The following TMEM132D variants were observed in gnomAD, a reference collection of about 807,000 sequenced individuals.
TMEM132D encodes the protein mature OL transmembrane protein.
A neutral mutation model predicts 62.3 loss-of-function variants in TMEM132D; 21 were observed. That is an observed-to-expected ratio of 0.34 (90% CI 0.24 to 0.49). The LOEUF is 0.49. Among genes scored for constraint, TMEM132D ranks in the 20% least tolerant of loss-of-function variants. The probability of loss-of-function intolerance (pLI) is 0.99; values close to 1 mark genes in which losing one functional copy is unlikely to be tolerated. For missense variants in TMEM132D, 1,346 were observed against 1,402.8 expected (o/e 0.96, Z 0.65); for synonymous variants, 621 against 575.6 (o/e 1.08, Z -1.13).
chr12:129,173,385 T>C (rs1328632824), intron 5 of TMEM132D, among the ~76,000 whole-genome samples: 1 of 152,218 alleles, frequency 6.6e-6, no homozygotes, highest in Non-Finnish European at 1.5e-5. Context: ...ACCTTGTACC[T>C]AAAATTTATA....
At chr12:129,114,394 TTCCTTCCC>T (rs58911236) in intron 5 of TMEM132D, among the ~76,000 whole-genome samples, 3,191 of 146,368 alleles carry the variant, frequency 0.022, 40 homozygotes, top group African/African-American at 0.032. Context: ...AACTCCTTCC[TTCCTTCCC>T]TCCTTCCCTC....
rs907600411 is a variant in TMEM132D at position 129,076,938 on chromosome 12, T to C, written c.2115+1596A>G. ...CAGGTTATTTCTTCATTGCTATCTGTAACTTGCCTCTCGGCTGGCATCCTT... is the reference window on the plus strand; with the variant it reads ...CAGGTTATTTCTTCATTGCTATCTGCAACTTGCCTCTCGGCTGGCATCCTT... On this transcript the variant is annotated intron_variant, in intron 8 of 8. Transcript: ENST00000422113. Among the ~76,000 whole-genome samples, 8 of 152,234 alleles carry C rather than the reference T, an allele frequency of 5.3e-5. No individual in the cohort carries two copies. The East Asian group carries it at 1.3e-3, about 26-fold the overall frequency.
At chr12:129,313,336 A>T (rs889623405) in intron 4 of TMEM132D, among the ~76,000 whole-genome samples, 2 of 152,060 alleles carry the variant, frequency 1.3e-5, no homozygotes, top group African/African-American at 2.4e-5. Context: ...CTCTTCCCAT[A>T]ATCCTCAAAG....
At chr12:129,112,318 G>A (rs542295560) in intron 5 of TMEM132D, among the ~76,000 whole-genome samples, 1 of 152,322 alleles carries the variant, frequency 6.6e-6, no homozygotes, top group South Asian at 2.1e-4. Flanking sequence ...CACCCGTGCT[G>A]TCCAAGGTAG....
chr12:129,661,200 C>T (rs911262033), intron 2 of TMEM132D, among the ~76,000 whole-genome samples: 6 of 152,134 alleles, frequency 3.9e-5, no homozygotes, highest in African/African-American at 1.2e-4. Context: ...TGGCCATTTG[C>T]GTACAGTTTC....
At chr12:129,531,253 C>T (rs368483626) in intron 2 of TMEM132D, 48 bp from the exon 3 acceptor site, 133 of 1,546,622 alleles carry the variant, frequency 8.6e-5, no homozygotes, top group Middle Eastern at 2.4e-4. Context: ...GGGGAATCCC[C>T]GGGTCATGCT....
chr12:129,266,403 CCTCTT>C (rs758695423), intron 4 of TMEM132D, among the ~76,000 whole-genome samples: 2 of 151,090 alleles, frequency 1.3e-5, no homozygotes, highest in Admixed American at 6.6e-5. Context: ...TCTCTTCTCT[CCTCTT>C]CTCTTCTCCT....
At chr12:129,083,453 T>C (rs1874515882) in intron 6 of TMEM132D, among the ~76,000 whole-genome samples, 2 of 152,250 alleles carry the variant, frequency 1.3e-5, no homozygotes, top group East Asian at 1.9e-4. Flanking sequence ...TACAGTTTTT[T>C]CCCTCCGCAG....
Position 129,830,398 on chromosome 12 carries a change from T to C in TMEM132D, c.79+72863A>G, listed in dbSNP as rs551176243. 1.3e-3 allele frequency among the ~76,000 whole-genome samples: 203 copies of C among 152,220 alleles called. 1 individual carries two copies. The highest frequency in any genetic ancestry group is 2.4e-3 in the Non-Finnish European group (163 of 68,002). ...GAACTGCCCAGGACAAACCTGCCTCTCATTCTATTCAAAGTCATCCCTCTG... is the reference window on the plus strand; with the variant it reads ...GAACTGCCCAGGACAAACCTGCCTCCCATTCTATTCAAAGTCATCCCTCTG... On this transcript the variant is annotated intron_variant, in intron 1 of 8. Transcript: ENST00000422113.
intron 3 of TMEM132D, among the ~76,000 whole-genome samples, chr12:129,472,431 G>A (rs992011571): frequency 6.6e-6 from 1 of 152,124 alleles, no homozygotes; most frequent in African/African-American, 2.4e-5. Flanking sequence ...GGGGCCTGTC[G>A]TTGGGTTGGG....
intron 1 of TMEM132D, among the ~76,000 whole-genome samples, chr12:129,747,249 C>A (rs952933798): frequency 1.6e-4 from 5 of 31,046 alleles, no homozygotes; most frequent in African/African-American, 3.7e-4. Context: ...GTGACCCGGG[C>A]GGGGCAGCTG....
At chr12:129,702,548 GC>G (rs1881407665) in intron 1 of TMEM132D, among the ~76,000 whole-genome samples, 8 of 152,152 alleles carry the variant, frequency 5.3e-5, no homozygotes, top group Admixed American at 4.6e-4. Flanking sequence ...CTCTCTGGCT[GC>G]ATTATCAAAG....
chr12:129,082,032 C>A lies in TMEM132D; in HGVS notation c.1650G>T (p.Arg550Ser), dbSNP rs1176352179. Residue 550 changes from arginine to serine, a missense_variant and splice_region_variant, in exon 7 of 9, where the codon AGG (arginine) becomes AGT (serine). Arg to Ser is a moderately radical substitution (Grantham distance 110, BLOSUM62 -1). Transcript: ENST00000422113. ...CCTCCTCTTCACTGTCCCCGGCAGG[C>A]CTGTGAAAGAAGCAGTGCAGTTTGC... is the stretch of plus-strand genomic sequence containing the variant. ...GWRVPIVSSR[R>S]PAGDSEEEED... The A allele has an allele frequency of 6.3e-7, 1 of 1,599,042 alleles. No homozygotes were observed. The highest frequency in any genetic ancestry group is 8.5e-7 in the Non-Finnish European group (1 of 1,170,688).
At chr12:129,316,495 T>C (rs1188728598) in intron 4 of TMEM132D, among the ~76,000 whole-genome samples, 1 of 152,218 alleles carries the variant, frequency 6.6e-6, no homozygotes, top group Non-Finnish European at 1.5e-5. Flanking sequence ...TTTATTCCAC[T>C]GTGGTCTGAG....
chr12:129,319,176 G>A (rs1198304042), intron 4 of TMEM132D, among the ~76,000 whole-genome samples: 1 of 152,200 alleles, frequency 6.6e-6, no homozygotes, highest in Non-Finnish European at 1.5e-5. Context: ...CCTTCTCCAT[G>A]TGGAGTTTTA....
At chr12:129,671,187 A>G (rs912879420) in intron 2 of TMEM132D, among the ~76,000 whole-genome samples, 5 of 152,232 alleles carry the variant, frequency 3.3e-5, no homozygotes, top group Non-Finnish European at 5.9e-5. Flanking sequence ...ATTTATGGCC[A>G]GAGGATAGAA....
intron 2 of TMEM132D, among the ~76,000 whole-genome samples, chr12:129,567,013 G>C (rs1877385434): frequency 6.6e-6 from 1 of 152,188 alleles, no homozygotes; most frequent in African/African-American, 2.4e-5. Context: ...CTGACGTCAT[G>C]TCTCCCTAAA....
At chr12:129,497,794 G>T (rs1314356959) in intron 3 of TMEM132D, among the ~76,000 whole-genome samples, 1 of 151,950 alleles carries the variant, frequency 6.6e-6, no homozygotes, top group African/African-American at 2.4e-5. Context: ...CGAGTAGCTG[G>T]GACTACAGGT....
intron 4 of TMEM132D, among the ~76,000 whole-genome samples, chr12:129,244,403 A>AAAAAAAC (rs1468241470): frequency 7.1e-4 from 104 of 145,644 alleles, no homozygotes; most frequent in African/African-American, 2.6e-3. Flanking sequence ...AAAAAAAAAA[A>AAAAAAAC]AAAAAACAAA....
Sources: allele counts gnomAD v4.1 joint callset (sites outside exome capture counted in the v4.1 genomes callset), GRCh38; gene constraint gnomAD v4.1.1; transcripts MANE v1.5; gene names NCBI Gene and HGNC (gene_info 2026-07-23, HGNC 2026-07-21).